The following PPP1R3F variants were observed in gnomAD, a reference collection of about 807,000 sequenced individuals.
The protein encoded by PPP1R3F is protein phosphatase 1 regulatory subunit 3F.
In PPP1R3F, 29 loss-of-function variants were observed where a neutral mutation model predicts 24.2. That is an observed-to-expected ratio of 1.20 (90% CI 0.89 to 1.63). The LOEUF (loss-of-function observed/expected upper bound fraction) is 1.63. Among genes scored for constraint, PPP1R3F ranks in the 40% most tolerant of loss-of-function variants. The probability of loss-of-function intolerance (pLI) is 0.00; values close to 1 mark genes in which losing one functional copy is unlikely to be tolerated. For missense variants in PPP1R3F, 823 were observed against 729.3 expected (o/e 1.13, Z -1.48); for synonymous variants, 363 against 340.1 (o/e 1.07, Z -0.74).
intron 3 of PPP1R3F, among the ~76,000 whole-genome samples, chrX:49,294,172 A>G (rs903008267): frequency 2.3e-4 from 25 of 111,094 alleles, no homozygotes; most frequent in African/African-American, 7.5e-4. Flanking sequence ...ATTAGTATTC[A>G]GAACAGTTCT....
At position 49,286,421 on chromosome X, in the gene PPP1R3F, G is replaced by C. The variant is rs2066284675; in HGVS notation, c.1731G>C (p.Gly577=). ...IKDTEDPDDE[G]EGEEGLSVTP... is the part of the protein sequence containing the mutation. Reference sequence around the variant, plus strand: ...ACACCGAAGACCCTGATGATGAAGGGGAGGGTGAAGAGGGGCTCTCTGTCA... The same window carrying C: ...ACACCGAAGACCCTGATGATGAAGGCGAGGGTGAAGAGGGGCTCTCTGTCA... The change falls in exon 4 of 4, where the codon GGG becomes GGC. Residue 577 remains glycine (G), a synonymous_variant. Transcript: ENST00000055335. 8.4e-7 allele frequency: 1 copy of C among 1,190,994 alleles called. No individual in the cohort carries two copies. Among genetic ancestry groups the C allele is most frequent in the Non-Finnish European group, 1.1e-6 (1 of 883,169 alleles).
At chrX:49,281,869 A>G in intron 2 of PPP1R3F, 112 bp from the exon 3 acceptor site, 1 of 543,173 alleles carries the variant, frequency 1.8e-6, no homozygotes, top group Non-Finnish European at 3.1e-6. Flanking sequence ...AGATTGTCAC[A>G]GAAAGCTTCA....
downstream of PPP1R3F, among the ~76,000 whole-genome samples, chrX:49,289,491 G>A (rs183128886): frequency 1.2e-3 from 129 of 111,667 alleles, no homozygotes; most frequent in African/African-American, 3.9e-3. Context: ...ATCCATAACT[G>A]CACGAAAGCA....
chrX:49,293,649 A>G (rs1204327726), intron 3 of PPP1R3F, among the ~76,000 whole-genome samples: 2 of 112,312 alleles, frequency 1.8e-5, no homozygotes, highest in Non-Finnish European at 1.9e-5. Flanking sequence ...TCAAAACCAA[A>G]CAAAACTAGT....
At chrX:49,282,912 T>G (rs2066258635) in intron 3 of PPP1R3F, among the ~76,000 whole-genome samples, 1 of 106,704 alleles carries the variant, frequency 9.4e-6, no homozygotes. Flanking sequence ...GACGTCAGAG[T>G]AAGGGTGGAA....
chrX:49,281,563 C>T, intron 2 of PPP1R3F, 102 bp downstream of exon 2: 2 of 677,740 alleles, frequency 3.0e-6, no homozygotes, highest in South Asian at 5.4e-5. Context: ...GGCTCAGTGG[C>T]TCATGCCTGT....
chrX:49,270,402 C>T lies in PPP1R3F; in HGVS notation c.533C>T (p.Ala178Val), dbSNP rs782177445. Reference sequence around the variant, plus strand: ...GTGCTGAACCGCTCCTTCGAGAAGGCGGTGCACGTGCGGGCCTCACACGAC... The same window carrying T: ...GTGCTGAACCGCTCCTTCGAGAAGGTGGTGCACGTGCGGGCCTCACACGAC... ...VRVLNRSFEKAVHVRASHDGW... is the reference protein window; with the variant it reads ...VRVLNRSFEKVVHVRASHDGW... Residue 178 changes from alanine (A) to valine (V), a missense_variant, in exon 1 of 4, where the codon GCG becomes GTG. By Grantham distance (64) the Ala-to-Val change is moderately conservative. Coordinates refer to ENST00000055335, the MANE Select transcript of PPP1R3F (RefSeq NM_033215.5). The T allele has an allele frequency of 6.8e-6, 8 of 1,173,793 alleles. No homozygotes were observed. The South Asian group carries it at 9.3e-5, about 14-fold the overall frequency.
Position 49,271,947 on chromosome X carries a change from C to T in PPP1R3F, c.1004+1074C>T, listed in dbSNP as rs144207702. 5.8e-3 allele frequency among the ~76,000 whole-genome samples: 655 copies of T among 112,477 alleles called. 3 individuals carry two copies. The highest frequency in any genetic ancestry group is 0.011 in the Non-Finnish European group (566 of 53,236). On this transcript the variant is annotated intron_variant, in intron 1 of 3. Transcript: ENST00000055335. The stretch of plus-strand genomic sequence containing the variant: ...TATCAAGCTATGAGTTCTTTAAGGG[C>T]AGCAGCTAGTCCTGATTCTTTTTGC...
Position 49,270,188 on chromosome X carries a change from G to T in PPP1R3F, c.319G>T (p.Val107Phe). Residue 107 changes from valine (V) to phenylalanine (F), a missense_variant, in exon 1 of 4, where the codon GTC becomes TTC. By Grantham distance (50) the Val-to-Phe change is conservative. Transcript: ENST00000055335. Reference protein sequence around the residue: ...ACPEPSPLCPVPAGGGFYLVP... With the variant: ...ACPEPSPLCPFPAGGGFYLVP... ...CCCCGAGCCCTCACCGCTGTGCCCC[G>T]TCCCCGCTGGCGGGGGGTTTTACCT... 9.1e-7 allele frequency: 1 copy of T among 1,095,951 alleles called. No homozygotes were observed. 90.3% of individuals were successfully genotyped at this position (1,095,951 alleles called of 1,213,427 possible). A position where few individuals can be genotyped will look rare whatever the true frequency, so the allele number is the denominator to read the frequency against.
chrX:49,282,159 G>A (rs2066253130), intron 3 of PPP1R3F, 96 bp downstream of exon 3: 1 of 644,507 alleles, frequency 1.6e-6, no homozygotes, highest in Non-Finnish European at 2.4e-6. Context: ...CTAGCTCTGG[G>A]TCCTCCCTGG....
chrX:49,281,665 T>TA (rs782136082), intron 2 of PPP1R3F, among the ~76,000 whole-genome samples: 2,909 of 92,495 alleles, frequency 0.031, 57 homozygotes, highest in Middle Eastern at 0.073. Context: ...CCTCATCTCT[T>TA]AAAAAAAAAA....
intron 1 of PPP1R3F, among the ~76,000 whole-genome samples, chrX:49,278,670 C>T (rs1231661993): frequency 1.8e-5 from 2 of 112,272 alleles, no homozygotes; most frequent in Admixed American, 1.9e-4. Context: ...ATATATGGTT[C>T]AAATGTTCTC....
Position 49,286,125 on chromosome X carries a change from C to A in PPP1R3F, c.1435C>A (p.Leu479Ile). 1 of 1,174,518 alleles carries A rather than the reference C, an allele frequency of 8.5e-7. No homozygotes were observed. The stretch of plus-strand genomic sequence containing the variant: ...GGCTGTGAGTGGGTCAGAGGAGCTG[C>A]TCGGTGAGGACACCATCGACCAGGA... The part of the protein sequence containing the change: ...LEAVSGSEEL[L>I]GEDTIDQELE... Residue 479 changes from leucine (L) to isoleucine (I), a missense_variant, in exon 4 of 4, where the codon CTC (leucine) becomes ATC (isoleucine). Coordinates refer to ENST00000055335, the MANE Select transcript of PPP1R3F (RefSeq NM_033215.5).
intron 1 of PPP1R3F, chrX:49,281,112 A>C (rs1384305219): frequency 3.9e-6 from 1 of 254,040 alleles, no homozygotes; most frequent in Non-Finnish European, 7.0e-6. Context: ...TGTAGAATCT[A>C]AATGATTTCG....
chrX:49,301,405 C>T, exon 4 of PPP1R3F: 1 of 632,532 alleles, frequency 1.6e-6, no homozygotes, highest in Non-Finnish European at 2.4e-6. Context: ...GCAGGCTGCT[C>T]CTATGTTGGA....
chrX:49,271,562 A>G (rs868956715), intron 1 of PPP1R3F, among the ~76,000 whole-genome samples: 1 of 112,459 alleles, frequency 8.9e-6, no homozygotes, highest in Non-Finnish European at 1.9e-5. Flanking sequence ...GGGCTTTGCC[A>G]GTGGGGGGTA....
intron 1 of PPP1R3F, among the ~76,000 whole-genome samples, chrX:49,277,573 A>T (rs1569530597): frequency 9.1e-6 from 1 of 110,249 alleles, no homozygotes; most frequent in Non-Finnish European, 1.9e-5. Flanking sequence ...TTTTCTAAGA[A>T]CCCCTCTTCT....
Position 49,287,643 on chromosome X carries a change from C to T in PPP1R3F, c.*553C>T, listed in dbSNP as rs1310503607. On this transcript the variant is annotated 3_prime_UTR_variant, in exon 4 of 4. Coordinates refer to ENST00000055335, the MANE Select transcript of PPP1R3F (RefSeq NM_033215.5). ...CTGCTGCTGCTTCAACATGTCTTTC[C>T]TTGAAGATGTGTGTCTCCTCGTCTC... The T allele has an allele frequency of 9.0e-6, 1 of 111,357 alleles. No individual in the cohort carries two copies. The highest frequency in any genetic ancestry group is 1.9e-5 in the Non-Finnish European group (1 of 53,419). 9.2% of individuals were successfully genotyped at this position (111,357 alleles called of 1,213,427 possible). A position where few individuals can be genotyped will look rare whatever the true frequency, so the allele number is the denominator to read the frequency against.
chrX:49,291,288 T>TTC (rs781932322), downstream of PPP1R3F, among the ~76,000 whole-genome samples: 1,035 of 50,561 alleles, frequency 0.02, 19 homozygotes, highest in Middle Eastern at 0.055. Context: ...CAGCCTACTT[T>TTC]TCTCTCTCTC....
Sources: allele counts gnomAD v4.1 joint callset (sites outside exome capture counted in the v4.1 genomes callset), GRCh38; gene constraint gnomAD v4.1.1; transcripts MANE v1.5; gene names NCBI Gene and HGNC (gene_info 2026-07-23, HGNC 2026-07-21).